The following CDK19 variants were observed in gnomAD, a reference collection of about 807,000 sequenced individuals.
CDK19 encodes cyclin dependent kinase 19.
CDK19 carries 20 observed loss-of-function variants against 68.3 expected under a neutral mutation model. The ratio of observed to expected loss-of-function variants is 0.29; its 90% CI spans 0.21 to 0.43. The LOEUF is 0.43. Ranked by LOEUF, CDK19 falls within the 20% of genes least tolerant of loss-of-function variation. The pLI, the probability that CDK19 is intolerant of heterozygous loss-of-function variation, is 1.00. For synonymous variants in CDK19, 221 were observed against 222.8 expected, an observed-to-expected ratio of 0.99 and a Z score of 0.07; for missense variants, 339 against 623.5, an observed-to-expected ratio of 0.54 and a Z score of 4.86.
At chr6:110,619,381 T>C (rs909625930) in intron 12 of CDK19, among the ~76,000 whole-genome samples, 2 of 152,068 alleles carry the variant, frequency 1.3e-5, no homozygotes, top group East Asian at 3.9e-4. Flanking sequence ...TTAACCAAGA[T>C]GGTTTTGGGT....
intron 1 of CDK19, among the ~76,000 whole-genome samples, chr6:110,771,805 C>A (rs1562275590): frequency 1.3e-5 from 2 of 152,230 alleles, no homozygotes; most frequent in Non-Finnish European, 2.9e-5. Flanking sequence ...CCTAAATCAT[C>A]TTTCTCAAGT....
At chr6:110,753,231 G>C (rs1370473780) in intron 1 of CDK19, among the ~76,000 whole-genome samples, 15 of 151,850 alleles carry the variant, frequency 9.9e-5, no homozygotes, top group Admixed American at 9.9e-4. Context: ...CACCTAGCTA[G>C]TTATCTTTCT....
chr6:110,717,624 T>C (rs1052911737), intron 2 of CDK19, among the ~76,000 whole-genome samples: 3 of 152,232 alleles, frequency 2.0e-5, no homozygotes, highest in African/African-American at 7.2e-5. Context: ...TATGGTTTTA[T>C]TAAGAAGTGG....
chr6:110,720,312 G>A (rs911981495), intron 2 of CDK19, among the ~76,000 whole-genome samples: 3 of 152,048 alleles, frequency 2.0e-5, no homozygotes, highest in African/African-American at 7.2e-5. Flanking sequence ...CTTCTTTCAC[G>A]ATCTTTGGCA....
chr6:110,728,964 A>T (rs1456826804), intron 2 of CDK19, among the ~76,000 whole-genome samples: 1 of 152,222 alleles, frequency 6.6e-6, no homozygotes, highest in Non-Finnish European at 1.5e-5. Flanking sequence ...TTGTTCATTA[A>T]CAATCTCTTC....
intron 1 of CDK19, among the ~76,000 whole-genome samples, chr6:110,793,625 C>T (rs1049739863): frequency 6.6e-6 from 1 of 152,186 alleles, no homozygotes; most frequent in Non-Finnish European, 1.5e-5. Context: ...CTTTGTTCCA[C>T]ACTGTGGCAG....
intron 1 of CDK19, among the ~76,000 whole-genome samples, chr6:110,794,511 C>T (rs1234113481): frequency 2.0e-5 from 3 of 151,242 alleles, no homozygotes; most frequent in Non-Finnish European, 2.9e-5. Context: ...AAGTGATTCT[C>T]CTGCCTCAGC....
intron 2 of CDK19, among the ~76,000 whole-genome samples, chr6:110,733,514 T>C (rs1776919834): frequency 6.6e-6 from 1 of 152,178 alleles, no homozygotes; most frequent in African/African-American, 2.4e-5. Flanking sequence ...TATAAATTCA[T>C]CAGAAACTGC....
intron 8 of CDK19, 87 bp from the exon 9 acceptor site, chr6:110,623,449 A>T (rs556221530): frequency 2.6e-6 from 4 of 1,549,760 alleles, no homozygotes; most frequent in Non-Finnish European, 3.5e-6. Flanking sequence ...TGGCTTTCCT[A>T]TAAGGTATGT....
chr6:110,789,962 G>A (rs1781480024), intron 1 of CDK19, among the ~76,000 whole-genome samples: 1 of 152,146 alleles, frequency 6.6e-6, no homozygotes, highest in South Asian at 2.1e-4. Context: ...TGTTCAAAGA[G>A]CAACTGTAGT....
At position 110,697,650 on chromosome 6, in the gene CDK19, A is replaced by C. The variant is rs531159413; in HGVS notation, c.205-27109T>G. On this transcript the variant is annotated intron_variant, in intron 2 of 12. Coordinates refer to ENST00000368911, the MANE Select transcript of CDK19 (RefSeq NM_015076.5). ...ACCGTCATCATTCTTCACAGAACTA[A>C]AAAAAAAAAGCAATCCTAAAATTAA... Among the ~76,000 whole-genome samples the C allele has an allele frequency of 6.1e-5, 9 of 148,598 alleles. No homozygotes were observed. In the South Asian group the frequency reaches 1.7e-3, roughly 28 times the overall value.
intron 2 of CDK19, among the ~76,000 whole-genome samples, chr6:110,742,407 G>T (rs188794007): frequency 1.3e-5 from 2 of 152,252 alleles, no homozygotes; most frequent in Admixed American, 1.3e-4. Context: ...TGTAAAACGT[G>T]TGTTTGAACA....
At chr6:110,791,976 C>CTT (rs201918838) in intron 1 of CDK19, among the ~76,000 whole-genome samples, 29 of 144,702 alleles carry the variant, frequency 2.0e-4, no homozygotes, top group South Asian at 6.6e-4. Flanking sequence ...TTTTCTTAAA[C>CTT]TTTTTTTTTT....
chr6:110,736,725 G>A (rs1294250724), intron 2 of CDK19, among the ~76,000 whole-genome samples: 1 of 152,114 alleles, frequency 6.6e-6, no homozygotes, highest in East Asian at 1.9e-4. Context: ...ATGGGAAAAA[G>A]TTATTACCAA....
intron 1 of CDK19, among the ~76,000 whole-genome samples, chr6:110,793,133 T>C (rs527606826): frequency 2.0e-5 from 3 of 152,276 alleles, no homozygotes; most frequent in Non-Finnish European, 2.9e-5. Flanking sequence ...GGAGCAAAAA[T>C]CCTTCCCCGA....
At chr6:110,617,346 A>T (rs1168913300) in intron 12 of CDK19, among the ~76,000 whole-genome samples, 1 of 152,188 alleles carries the variant, frequency 6.6e-6, no homozygotes, top group Non-Finnish European at 1.5e-5. Flanking sequence ...CAGAGGCAGG[A>T]ATGCACGCTT....
At chr6:110,659,884 G>T (rs1781512969) in intron 4 of CDK19, among the ~76,000 whole-genome samples, 1 of 152,162 alleles carries the variant, frequency 6.6e-6, no homozygotes, top group Non-Finnish European at 1.5e-5. Flanking sequence ...TACCATCCAT[G>T]TAACTTTTAC....
intron 1 of CDK19, among the ~76,000 whole-genome samples, chr6:110,752,437 T>C (rs910227217): frequency 2.0e-5 from 3 of 152,218 alleles, no homozygotes; most frequent in Non-Finnish European, 4.4e-5. Context: ...TTCTGAAACA[T>C]TTAAAATCTT....
chr6:110,718,938 G>A (rs1333074092), intron 2 of CDK19, among the ~76,000 whole-genome samples: 1 of 152,100 alleles, frequency 6.6e-6, no homozygotes, highest in Admixed American at 6.6e-5. Context: ...AGAAATAGCA[G>A]GAGGGAAAGA....
Sources: gnomAD v4.1 joint callset for allele counts (sites outside exome capture counted in the v4.1 genomes callset) on GRCh38, gnomAD v4.1.1 for gene constraint, MANE v1.5 for transcripts, NCBI Gene and HGNC (gene_info 2026-07-23, HGNC 2026-07-21) for gene names.